The following CELF4 variants were observed in gnomAD, a reference collection of about 807,000 sequenced individuals.
CELF4 encodes CUGBP Elav-like family member 4.
In CELF4, 18 loss-of-function variants were observed where a neutral mutation model predicts 59.9. The ratio of observed to expected loss-of-function variants is 0.30; its 90% CI spans 0.21 to 0.45. CELF4 has a LOEUF of 0.45. Among genes scored for constraint, CELF4 ranks in the 20% least tolerant of loss-of-function variants. CELF4 has a pLI of 1.00. For missense variants in CELF4, 456 were observed against 689.0 expected (o/e 0.66, Z 3.79); for synonymous variants, 261 against 267.1 (o/e 0.98, Z 0.22).
At position 37,243,565 on chromosome 18, in the gene CELF4, C is replaced by T. The variant is rs2060993502; in HGVS notation, c.*1677G>A. 6.6e-6 allele frequency: 1 copy of T among 152,124 alleles called. No individual in the cohort carries two copies. Among genetic ancestry groups the T allele is most frequent in the African/African-American group, 2.4e-5 (1 of 41,406 alleles). 9.4% of individuals were successfully genotyped at this position (152,124 alleles called of 1,614,324 possible). On this transcript the variant is annotated 3_prime_UTR_variant, in exon 13 of 13. Transcript: ENST00000420428. ...AAAGTCATTTACCAAAGATAAATAT[C>T]GTGCTTTCATTAAATAGTTTTCCTT...
intron 3 of CELF4, chr18:37,275,610 C>A: frequency 3.8e-6 from 1 of 262,620 alleles, no homozygotes; most frequent in Non-Finnish European, 7.4e-6. Flanking sequence ...GCCTGCGTTC[C>A]CCTCCTCCTT....
chr18:37,339,446 T>G (rs978267707), intron 2 of CELF4, among the ~76,000 whole-genome samples: 3 of 152,112 alleles, frequency 2.0e-5, no homozygotes, highest in African/African-American at 7.2e-5. Context: ...ATACATGTAG[T>G]CATGTGTGTG....
chr18:37,470,871 T>TGACAGAGAGA (rs1406176161), intron 2 of CELF4, among the ~76,000 whole-genome samples: 16 of 117,112 alleles, frequency 1.4e-4, no homozygotes, highest in Non-Finnish European at 2.1e-4. Flanking sequence ...TGTGTGTGTG[T>TGACAGAGAGA]GTGTGTGTGT....
chr18:37,371,112 C>T (rs1351654257), intron 2 of CELF4, among the ~76,000 whole-genome samples: 1 of 152,174 alleles, frequency 6.6e-6, no homozygotes, highest in Non-Finnish European at 1.5e-5. Context: ...CCATATTTCT[C>T]CCTATTGAAC....
intron 1 of CELF4, among the ~76,000 whole-genome samples, chr18:37,551,071 G>A (rs900062991): frequency 9.2e-5 from 14 of 152,158 alleles, no homozygotes; most frequent in Admixed American, 8.5e-4. Flanking sequence ...TGGGACTTGG[G>A]GTGGGGAGTG....
chr18:37,343,928 T>C (rs1263576013), intron 2 of CELF4, among the ~76,000 whole-genome samples: 1 of 152,136 alleles, frequency 6.6e-6, no homozygotes, highest in African/African-American at 2.4e-5. Context: ...TCCTTCACCC[T>C]GGCTGTTCCC....
At chr18:37,421,919 C>T (rs1045001371) in intron 2 of CELF4, among the ~76,000 whole-genome samples, 3 of 152,256 alleles carry the variant, frequency 2.0e-5, no homozygotes, top group Admixed American at 6.5e-5. Context: ...TGGTCACCCA[C>T]GCGGTGTCTT....
Position 37,444,748 on chromosome 18 carries a change from T to G in CELF4, c.369+40777A>C, listed in dbSNP as rs190375365. 2.6e-5 allele frequency among the ~76,000 whole-genome samples: 4 copies of G among 152,116 alleles called. No homozygotes were observed. The East Asian group carries it at 7.7e-4, about 29-fold the overall frequency. ...ATGGGGTGTTTCTCTGCACTGTCCA[T>G]GGCCCCGACAGGCTCAGGAGGGGCC... On this transcript the variant is annotated intron_variant, in intron 2 of 12. Transcript: ENST00000420428.
chr18:37,545,561 G>T (rs2099980903), intron 1 of CELF4, among the ~76,000 whole-genome samples: 1 of 152,228 alleles, frequency 6.6e-6, no homozygotes, highest in Non-Finnish European at 1.5e-5. Flanking sequence ...CATTTAGCCA[G>T]ACAGCATCTC....
intron 1 of CELF4, among the ~76,000 whole-genome samples, chr18:37,539,508 CACAG>C (rs1166308175): frequency 8.5e-5 from 13 of 152,262 alleles, no homozygotes; most frequent in Admixed American, 5.2e-4. Flanking sequence ...CACGTGCACA[CACAG>C]ACACACAGCC....
intron 2 of CELF4, among the ~76,000 whole-genome samples, chr18:37,457,874 G>A (rs111880873): frequency 5.3e-5 from 8 of 152,034 alleles, no homozygotes; most frequent in East Asian, 1.9e-4. Context: ...CATAATATCC[G>A]ATGCTCCAAG....
intron 1 of CELF4, among the ~76,000 whole-genome samples, chr18:37,525,769 C>T (rs1392491072): frequency 6.6e-6 from 1 of 152,018 alleles, no homozygotes; most frequent in Admixed American, 6.6e-5. Context: ...TACTTTCTCC[C>T]TTTAAAGAAG....
chr18:37,419,873 C>T (rs567142460), intron 2 of CELF4, among the ~76,000 whole-genome samples: 98 of 152,328 alleles, frequency 6.4e-4, no homozygotes, highest in African/African-American at 2.1e-3. Flanking sequence ...TGGCTGACAG[C>T]GAGGATCTTG....
intron 2 of CELF4, among the ~76,000 whole-genome samples, chr18:37,335,116 C>G (rs1347705660): frequency 1.3e-5 from 2 of 150,528 alleles, no homozygotes; most frequent in Admixed American, 1.3e-4. Context: ...TTAATTAACA[C>G]AGCTCTCCAG....
At chr18:37,437,150 C>T (rs2099695396) in intron 2 of CELF4, among the ~76,000 whole-genome samples, 1 of 152,158 alleles carries the variant, frequency 6.6e-6, no homozygotes, top group African/African-American at 2.4e-5. Flanking sequence ...CAAGTGTGTA[C>T]CTCCAAATTG....
At chr18:37,473,966 G>A (rs2099841568) in intron 2 of CELF4, 1 of 152,250 alleles carries the variant, frequency 6.6e-6, no homozygotes, top group Admixed American at 6.5e-5. Context: ...CTCCTGGAGA[G>A]GGGACCTCTT....
At chr18:37,311,050 T>A (rs2096628424) in intron 3 of CELF4, among the ~76,000 whole-genome samples, 1 of 152,016 alleles carries the variant, frequency 6.6e-6, no homozygotes, top group South Asian at 2.1e-4. Flanking sequence ...TTGCTATGAT[T>A]AATATCCCAT....
At chr18:37,387,325 C>A (rs993916684) in intron 2 of CELF4, among the ~76,000 whole-genome samples, 21 of 152,334 alleles carry the variant, frequency 1.4e-4, no homozygotes, top group African/African-American at 4.8e-4. Context: ...ACCAGCAGAG[C>A]AGCAAGGGGC....
At position 37,321,809 on chromosome 18, in the gene CELF4, G is replaced by C. The variant is rs865879690; in HGVS notation, c.442C>G (p.Pro148Ala). ...RGGSSCLRQPPSQDRKLFVGM... is the reference protein window; with the variant it reads ...RGGSSCLRQPASQDRKLFVGM... ...GAGACAAGTGGGCCCTCACGTGAAG[G>C]GGGCTGGCGCAGGCAGCTACTACCT... The change falls in exon 3 of 13, where the codon CCT becomes GCT. Residue 148 changes from proline to alanine, a missense_variant. By Grantham distance (27) the Pro-to-Ala change is conservative. This residue lies in a region of CELF4 where 63 missense variants were observed against 110.6 expected (regional missense o/e 0.57). Coordinates refer to ENST00000420428, the MANE Select transcript of CELF4 (RefSeq NM_020180.4). 1.2e-6 allele frequency: 2 copies of C among 1,611,100 alleles called. No individual in the cohort carries two copies. Among genetic ancestry groups the C allele is most frequent in the Non-Finnish European group, 1.7e-6 (2 of 1,178,336 alleles).
Sources: gnomAD v4.1 joint callset for allele counts (sites outside exome capture counted in the v4.1 genomes callset) on GRCh38, gnomAD v4.1.1 for gene constraint, gnomAD v4.1.1 regional missense constraint, MANE v1.5 for transcripts, NCBI Gene and HGNC (gene_info 2026-07-23, HGNC 2026-07-21) for gene names.